Variants in NME1 observed in about 807,000 individuals in gnomAD.
NME1 encodes nucleoside diphosphate kinase A.
Under a neutral mutation model 17.2 loss-of-function variants are expected in NME1, and 9 were observed. The observed-to-expected ratio is 0.52, with a 90% CI of 0.32 to 0.92. The LOEUF is 0.92. Ranked by LOEUF, NME1 falls within the 40% of genes least tolerant of loss-of-function variation. The probability of loss-of-function intolerance (pLI) is 0.04; values close to 1 mark genes in which losing one functional copy is unlikely to be tolerated. For missense variants in NME1, 169 were observed against 201.7 expected (o/e 0.84, Z 0.98); for synonymous variants, 72 against 70.8 (o/e 1.02, Z -0.09).
At chr17:51,160,222 G>A in intron 3 of NME1, 141 bp downstream of exon 3, 1 of 902,762 alleles carries the variant, frequency 1.1e-6, no homozygotes. Context: ...TTAGTGATAG[G>A]CTTCAGAAAT....
At chr17:51,157,996 A>G (rs932176155) in intron 2 of NME1, among the ~76,000 whole-genome samples, 2 of 152,090 alleles carry the variant, frequency 1.3e-5, no homozygotes, top group African/African-American at 2.4e-5. Context: ...ATAATCAGTT[A>G]GGGCCTGGCG....
Position 51,155,750 on chromosome 17 carries a change from A to T in NME1, c.96A>T (p.Gly32=), listed in dbSNP as rs770805826. The change falls in exon 2 of 5, where the codon GGA becomes GGT. Residue 32 remains glycine (G), a synonymous_variant. Transcript: ENST00000393196. ...TTATCAAGCGTTTTGAGCAGAAAGG[A>T]TTCCGCCTTGTTGGTCTGAAATTCA... ...GEIIKRFEQK[G]FRLVGLKFMQ... The T allele has an allele frequency of 2.5e-6, 4 of 1,613,918 alleles. No individual in the cohort carries two copies. Among genetic ancestry groups the T allele is most frequent in the Non-Finnish European group, 3.4e-6 (4 of 1,179,920 alleles).
intron 1 of NME1, chr17:51,154,571 C>G: frequency 1.3e-6 from 1 of 755,906 alleles, no homozygotes; most frequent in South Asian, 1.5e-5. Flanking sequence ...CACACCCCAC[C>G]GTTTATTGGC....
intron 2 of NME1, 186 bp downstream of exon 2, chr17:51,155,966 T>A: frequency 1.2e-6 from 1 of 843,392 alleles, no homozygotes; most frequent in Non-Finnish European, 1.8e-6. Flanking sequence ...CCAAGTTATT[T>A]AGGATTTTCC....
At chr17:51,155,241 CA>C (rs35964095) in intron 1 of NME1, among the ~76,000 whole-genome samples, 34,456 of 100,296 alleles carry the variant, frequency 0.34, 4,464 homozygotes, top group African/African-American at 0.44. Context: ...GACTCCATAC[CA>C]AAAAAAAAAA....
chr17:51,159,019 A>C (rs1049361837), intron 2 of NME1, among the ~76,000 whole-genome samples: 19 of 152,232 alleles, frequency 1.2e-4, no homozygotes, highest in African/African-American at 4.3e-4. Context: ...AATAAACGTG[A>C]AGCATCCCTG....
chr17:51,161,872 A>G lies in NME1; in HGVS notation c.*27A>G. ...AGGAGGGCAGACCACATTGCTTTTC[A>G]CATCCATTTCCCCTCCTTCCCATGG... On this transcript the variant is annotated 3_prime_UTR_variant, in exon 5 of 5. Coordinates refer to ENST00000393196, the MANE Select transcript of NME1 (RefSeq NM_000269.3). The G allele has an allele frequency of 7.0e-7, 1 of 1,428,624 alleles. No homozygotes were observed. The highest frequency in any genetic ancestry group is 1.4e-5 in the African/African-American group (1 of 71,452). 88.5% of individuals were successfully genotyped at this position (1,428,624 alleles called of 1,614,324 possible).
At chr17:51,160,153 T>G in intron 3 of NME1, 72 bp downstream of exon 3, 1 of 1,540,310 alleles carries the variant, frequency 6.5e-7, no homozygotes, top group East Asian at 2.2e-5. Flanking sequence ...TTCTAGACAC[T>G]GGGGATACAG....
At chr17:51,157,938 A>G (rs1282905731) in intron 2 of NME1, among the ~76,000 whole-genome samples, 1 of 152,010 alleles carries the variant, frequency 6.6e-6, no homozygotes, top group East Asian at 1.9e-4. Flanking sequence ...GAGGTTCCCA[A>G]CCCCCAAGCC....
intron 3 of NME1, chr17:51,160,478 C>G: frequency 2.7e-6 from 1 of 364,828 alleles, no homozygotes; most frequent in Non-Finnish European, 5.3e-6. Context: ...ATGCCCGAAG[C>G]CTGATGGGTG....
chr17:51,158,202 C>T (rs775986434), intron 2 of NME1, among the ~76,000 whole-genome samples: 91 of 152,178 alleles, frequency 6.0e-4, no homozygotes, highest in Non-Finnish European at 5.9e-4. Flanking sequence ...ATGGCTTGAA[C>T]TCGGGAGGTG....
chr17:51,158,271 C>G (rs1175060806), intron 2 of NME1, among the ~76,000 whole-genome samples: 1 of 152,062 alleles, frequency 6.6e-6, no homozygotes, highest in Non-Finnish European at 1.5e-5. Context: ...CAGAGCAAGA[C>G]CCTGTCTCAA....
chr17:51,154,430 A>G, intron 1 of NME1: 1 of 1,607,336 alleles, frequency 6.2e-7, no homozygotes, highest in South Asian at 1.1e-5. Context: ...CTCCTATCTC[A>G]AGCTGTGATA....
rs544763726 is a variant in NME1, at chr17:51,155,030, A to G, written c.-4-621A>G. Among the ~76,000 whole-genome samples, 389 of 152,180 alleles carry G rather than the reference A, an allele frequency of 2.6e-3. 2 individuals carry two copies. The highest frequency in any genetic ancestry group is 4.1e-3 in the Non-Finnish European group (277 of 68,008). On this transcript the variant is annotated intron_variant, in intron 1 of 4. Transcript: ENST00000393196. ...TGAGGTGGGCAGATTACTTGAGGTC[A>G]GGAGTTGGAGACCAGCCTGGCCAAC... is the stretch of plus-strand genomic sequence containing the variant.
At chr17:51,161,392 T>C in intron 4 of NME1, 120 bp downstream of exon 4, 1 of 1,019,588 alleles carries the variant, frequency 9.8e-7, no homozygotes, top group East Asian at 2.6e-5. Context: ...TCGGAGTTTA[T>C]TGTTTTCCTC....
chr17:51,160,995 G>T, intron 3 of NME1, 165 bp from the exon 4 acceptor site: 1 of 771,764 alleles, frequency 1.3e-6, no homozygotes, highest in Non-Finnish European at 2.2e-6. Context: ...GGGAGATCAG[G>T]ATCCTCAGTG....
At chr17:51,161,070 T>G in intron 3 of NME1, 90 bp from the exon 4 acceptor site, 4 of 1,340,234 alleles carry the variant, frequency 3.0e-6, no homozygotes, top group Non-Finnish European at 4.2e-6. Context: ...TAAGGGGCCT[T>G]TTTATTTTTC....
chr17:51,160,090 G>A lies in NME1; in HGVS notation c.228+9G>A, dbSNP rs769477304. 1 of 1,613,564 alleles carries A rather than the reference G, an allele frequency of 6.2e-7. No homozygotes were observed. The highest frequency in any genetic ancestry group is 1.1e-5 in the South Asian group (1 of 91,072). Reference sequence around the variant, plus strand: ...GGCCGGTAGTTGCCATGGTGAGTGTGCCTGTGTGGGATACTCCAAGTATGC... The same window carrying A: ...GGCCGGTAGTTGCCATGGTGAGTGTACCTGTGTGGGATACTCCAAGTATGC... On this transcript the variant is annotated intron_variant, in intron 3 of 4. Transcript: ENST00000393196.
Position 51,161,404 on chromosome 17 carries a change from C to T in NME1, c.341+132C>T. 4.2e-6 allele frequency: 4 copies of T among 954,780 alleles called. No homozygotes were observed. In the South Asian group the frequency reaches 5.7e-5, roughly 14 times the overall value. The allele number at this position is 954,780 out of a possible 1,614,324, so 59.1% of individuals were successfully genotyped here. A position where few individuals can be genotyped will look rare whatever the true frequency, so the allele number is the denominator to read the frequency against. ...TTATCGGAGTTTATTGTTTTCCTCC[C>T]TCTTAAGTTGGCGTTTGGCTTTGGT... On this transcript the variant is annotated intron_variant, in intron 4 of 4. Transcript: ENST00000393196.
Sources: gnomAD v4.1 joint callset for allele counts (sites outside exome capture counted in the v4.1 genomes callset) on GRCh38, gnomAD v4.1.1 for gene constraint, MANE v1.5 for transcripts, NCBI Gene and HGNC (gene_info 2026-07-23, HGNC 2026-07-21) for gene names.